The following LAMA2 variants were observed in gnomAD, a reference collection of about 807,000 sequenced individuals.
LAMA2 encodes the protein laminin subunit alpha-2.
LAMA2 carries 269 observed loss-of-function variants against 364.8 expected under a neutral mutation model. That is an observed-to-expected ratio of 0.74 (90% CI 0.67 to 0.82). The LOEUF is 0.82. Among genes scored for constraint, LAMA2 ranks in the 40% least tolerant of loss-of-function variants. The pLI, the probability that LAMA2 is intolerant of heterozygous loss-of-function variation, is 0.00. For missense variants in LAMA2, 3,807 were observed against 3,873.2 expected, an observed-to-expected ratio of 0.98 and a Z score of 0.45; for synonymous variants, 1,379 against 1,370.6, an observed-to-expected ratio of 1.01 and a Z score of -0.14.
chr6:129,094,250 T>G (rs757084240), intron 3 of LAMA2, among the ~76,000 whole-genome samples: 8 of 152,220 alleles, frequency 5.3e-5, no homozygotes, highest in Non-Finnish European at 1.0e-4. Context: ...GACTTTCAAG[T>G]CATTTAAGAA....
intron 49 of LAMA2, 61 bp from the exon 50 acceptor site, chr6:129,464,229 A>C (rs370948959): frequency 7.0e-7 from 1 of 1,432,412 alleles, no homozygotes; most frequent in Non-Finnish European, 9.8e-7. Flanking sequence ...TCAGTGATGC[A>C]TTGAATAATG....
chr6:129,127,230 G>A (rs887116382), intron 4 of LAMA2, among the ~76,000 whole-genome samples: 1 of 152,126 alleles, frequency 6.6e-6, no homozygotes, highest in Non-Finnish European at 1.5e-5. Context: ...TGTGCCCTTT[G>A]ACATAATCTC....
intron 2 of LAMA2, among the ~76,000 whole-genome samples, chr6:129,056,133 T>A (rs890425788): frequency 6.6e-6 from 1 of 152,210 alleles, no homozygotes; most frequent in Middle Eastern, 3.2e-3. Flanking sequence ...TTCTATCACA[T>A]ATTAAACGCA....
chr6:129,488,506 G>C (rs914505174), intron 56 of LAMA2, among the ~76,000 whole-genome samples: 7 of 152,064 alleles, frequency 4.6e-5, no homozygotes, highest in Non-Finnish European at 1.0e-4. Context: ...TTCAAGAAGG[G>C]CATTTTATTA....
intron 40 of LAMA2, among the ~76,000 whole-genome samples, chr6:129,425,444 G>A (rs1178005182): frequency 6.6e-6 from 1 of 151,074 alleles, no homozygotes. Flanking sequence ...TTTGAAACTT[G>A]TATTTTAGGT....
chr6:129,299,659 A>G (rs1773424198), intron 21 of LAMA2, among the ~76,000 whole-genome samples: 1 of 152,194 alleles, frequency 6.6e-6, no homozygotes, highest in Non-Finnish European at 1.5e-5. Context: ...TCTAAAATAA[A>G]TCATTTGGCT....
At chr6:128,970,528 C>T (rs60800781) in intron 1 of LAMA2, among the ~76,000 whole-genome samples, 4,653 of 152,136 alleles carry the variant, frequency 0.031, 244 homozygotes, top group African/African-American at 0.1. Context: ...ATGGTTCAAA[C>T]GTTCAACAGA....
rs143043212 is a variant in LAMA2 at position 129,014,041 on chromosome 6, A to G, written c.113-35877A>G. Among the ~76,000 whole-genome samples, 60 of 152,254 alleles carry G rather than the reference A, an allele frequency of 3.9e-4. No homozygotes were observed. The Middle Eastern group carries it at 0.01, about 26-fold the overall frequency. On this transcript the variant is annotated intron_variant, in intron 1 of 64. Coordinates refer to ENST00000421865, the MANE Select transcript of LAMA2 (RefSeq NM_000426.4). ...GGCAGTTAGAGAAGGAAAATCAAGG[A>G]TAGATTCTAGATTTTTGTCTTGAGC...
At position 129,192,979 on chromosome 6, in the gene LAMA2, C is replaced by A. The variant is rs565816040; in HGVS notation, c.1782+126C>A. On this transcript the variant is annotated intron_variant, in intron 12 of 64. Transcript: ENST00000421865. ...CACTGAATTGGATTGCCAGAACCAGCTAAATCACATTGAGTTGGGCGTTTC... is the reference window on the plus strand; with the variant it reads ...CACTGAATTGGATTGCCAGAACCAGATAAATCACATTGAGTTGGGCGTTTC... 40 of 1,019,628 alleles carry A rather than the reference C, an allele frequency of 3.9e-5. 1 individual carries two copies. In the South Asian group the frequency reaches 5.0e-4, roughly 13 times the overall value. 63.2% of individuals were successfully genotyped at this position (1,019,628 alleles called of 1,614,324 possible).
chr6:129,196,905 C>G (rs1036763603), intron 12 of LAMA2, among the ~76,000 whole-genome samples: 1 of 152,056 alleles, frequency 6.6e-6, no homozygotes, highest in Non-Finnish European at 1.5e-5. Flanking sequence ...TGAACGGACC[C>G]CCTTCTTGGC....
intron 1 of LAMA2, among the ~76,000 whole-genome samples, chr6:128,920,538 A>T (rs1035754184): frequency 6.6e-5 from 10 of 151,874 alleles, no homozygotes; most frequent in African/African-American, 2.4e-4. Flanking sequence ...CTGTACCCAT[A>T]TTGGCTCTAT....
rs754256231 is a variant in LAMA2, at chr6:129,314,709, G to C, written c.3466G>C (p.Asp1156His). 1 of 1,613,828 alleles carries C rather than the reference G, an allele frequency of 6.2e-7. No individual in the cohort carries two copies. The highest frequency in any genetic ancestry group is 1.7e-5 in the Admixed American group (1 of 60,020). The stretch of plus-strand genomic sequence containing the variant: ...ATGCCGGCCTGGCAAATTCGGACTC[G>C]ATGCCAAGAATCCACTTGGCTGCAG... The part of the protein sequence containing the change: ...DRCRPGKFGL[D>H]AKNPLGCSSC... Residue 1156 changes from aspartate (D) to histidine (H), a missense_variant, in exon 24 of 65, where the codon GAT becomes CAT. Physicochemically the swap from Asp to His is moderately conservative, Grantham distance 81. Transcript: ENST00000421865.
At chr6:129,162,900 G>A (rs1361728528) in intron 8 of LAMA2, among the ~76,000 whole-genome samples, 2 of 151,708 alleles carry the variant, frequency 1.3e-5, no homozygotes, top group Admixed American at 1.3e-4. Flanking sequence ...GGAGGGGGGG[G>A]AAGAAGAGGA....
intron 18 of LAMA2, among the ~76,000 whole-genome samples, chr6:129,283,780 C>G (rs1410237916): frequency 6.6e-6 from 1 of 151,952 alleles, no homozygotes; most frequent in African/African-American, 2.4e-5. Flanking sequence ...AATCACCCCT[C>G]TGCTTACTAT....
chr6:128,926,225 G>C (rs184124415), intron 1 of LAMA2, among the ~76,000 whole-genome samples: 2 of 151,976 alleles, frequency 1.3e-5, no homozygotes, highest in Non-Finnish European at 2.9e-5. Context: ...ACAACTCTGA[G>C]TTTTCTGAGT....
intron 1 of LAMA2, among the ~76,000 whole-genome samples, chr6:128,932,164 A>C (rs903957511): frequency 6.6e-6 from 1 of 152,198 alleles, no homozygotes; most frequent in Non-Finnish European, 1.5e-5. Context: ...ATTCTTCATC[A>C]CACATTGCAA....
At chr6:129,493,797 G>A (rs1307462386) in intron 58 of LAMA2, among the ~76,000 whole-genome samples, 2 of 152,080 alleles carry the variant, frequency 1.3e-5, no homozygotes, top group East Asian at 3.9e-4. Flanking sequence ...CTAGTAAAAG[G>A]CAGAGTAAGA....
At chr6:129,472,976 T>C (rs1783886472) in intron 51 of LAMA2, among the ~76,000 whole-genome samples, 1 of 152,004 alleles carries the variant, frequency 6.6e-6, no homozygotes, top group Non-Finnish European at 1.5e-5. Context: ...TTTATCTTCA[T>C]TGGTTTGCCT....
chr6:129,140,667 A>G (rs1429834655), intron 4 of LAMA2, among the ~76,000 whole-genome samples: 1 of 152,030 alleles, frequency 6.6e-6, no homozygotes, highest in African/African-American at 2.4e-5. Flanking sequence ...TATCCAGTGG[A>G]CTTGGAATTA....
Sources: allele counts gnomAD v4.1 joint callset (sites outside exome capture counted in the v4.1 genomes callset), GRCh38; gene constraint gnomAD v4.1.1; transcripts MANE v1.5; gene names NCBI Gene and HGNC (gene_info 2026-07-23, HGNC 2026-07-21).